Variants in POLDIP3 observed in about 807,000 individuals in gnomAD.
POLDIP3 encodes the protein polymerase delta-interacting protein 3.
In POLDIP3, 14 loss-of-function variants were observed where a neutral mutation model predicts 45.1. The observed-to-expected ratio is 0.31, with a 90% CI of 0.20 to 0.49. The LOEUF is 0.49. Among genes scored for constraint, POLDIP3 ranks in the 20% least tolerant of loss-of-function variants. POLDIP3 has a pLI of 0.99. For synonymous variants in POLDIP3, 223 were observed against 205.2 expected (o/e 1.09, Z -0.74); for missense variants, 511 against 538.8 (o/e 0.95, Z 0.51).
At chr22:42,614,696 G>A (rs928098218) in intron 1 of POLDIP3, 103 bp downstream of exon 1, 2 of 1,317,970 alleles carry the variant, frequency 1.5e-6, no homozygotes, top group East Asian at 2.5e-5. Context: ...GTCGGGGGCG[G>A]GCGCACCCGG....
At chr22:42,612,623 C>T (rs1166412280) in intron 1 of POLDIP3, among the ~76,000 whole-genome samples, 4 of 152,050 alleles carry the variant, frequency 2.6e-5, no homozygotes, top group Non-Finnish European at 4.4e-5. Flanking sequence ...GTGAGGAGTT[C>T]GAGACCAGCC....
rs1925259189 is a variant in POLDIP3 at position 42,585,661 on chromosome 22, C to G, written c.*130G>C. 9.1e-7 allele frequency: 1 copy of G among 1,095,380 alleles called. No homozygotes were observed. Among genetic ancestry groups the G allele is most frequent in the Non-Finnish European group, 1.3e-6 (1 of 753,062 alleles). The allele number at this position is 1,095,380 out of a possible 1,614,324, so 67.9% of individuals were successfully genotyped here. Reference sequence around the variant, plus strand: ...AGGCGGGTCCCATCCAGTGAGGAAGCTCTTTATCCCTGGCAACCCTTCCCA... The same window carrying G: ...AGGCGGGTCCCATCCAGTGAGGAAGGTCTTTATCCCTGGCAACCCTTCCCA... On this transcript the variant is annotated 3_prime_UTR_variant, in exon 9 of 9. Transcript: ENST00000252115.
intron 7 of POLDIP3, among the ~76,000 whole-genome samples, chr22:42,589,432 A>T (rs1601882887): frequency 1.3e-5 from 2 of 152,208 alleles, no homozygotes; most frequent in Admixed American, 1.3e-4. Context: ...CAGGAAGAAA[A>T]CAATCAAACA....
In POLDIP3 at chr22:42,595,811, C is replaced by A. The variant is rs778571570; in HGVS notation, c.814-197G>T. Among the ~76,000 whole-genome samples the A allele has an allele frequency of 3.9e-4, 59 of 152,204 alleles. 1 individual carries two copies. Among genetic ancestry groups the A allele is most frequent in the Admixed American group, 9.2e-4 (14 of 15,284 alleles). On this transcript the variant is annotated intron_variant, in intron 5 of 8. Transcript: ENST00000252115. Reference sequence around the variant, plus strand: ...TAAAAGCATGGACCCTCTCCCATCTCCCAAATACGCAAGCCTCTCAGGCCC... The same window carrying A: ...TAAAAGCATGGACCCTCTCCCATCTACCAAATACGCAAGCCTCTCAGGCCC...
chr22:42,588,198 G>A (rs1234898740), intron 7 of POLDIP3, among the ~76,000 whole-genome samples: 1 of 152,210 alleles, frequency 6.6e-6, no homozygotes, highest in Non-Finnish European at 1.5e-5. Flanking sequence ...GCTCACGCCT[G>A]TAATCCCAGC....
At chr22:42,596,125 G>A in intron 5 of POLDIP3, 61 bp downstream of exon 5, 1 of 1,542,248 alleles carries the variant, frequency 6.5e-7, no homozygotes, top group Non-Finnish European at 8.9e-7. Context: ...AACACAATGA[G>A]GTACATATAA....
intron 1 of POLDIP3, among the ~76,000 whole-genome samples, chr22:42,610,811 C>T (rs115069016): frequency 3.9e-5 from 6 of 152,170 alleles, no homozygotes; most frequent in Non-Finnish European, 8.8e-5. Context: ...TAGGCTGAGG[C>T]AGGAAGACTG....
chr22:42,607,454 G>A (rs1477131033), intron 1 of POLDIP3, among the ~76,000 whole-genome samples: 3 of 152,190 alleles, frequency 2.0e-5, no homozygotes, highest in Admixed American at 6.5e-5. Flanking sequence ...ATCTCGGCTC[G>A]CTACAACCTC....
chr22:42,593,710 G>C (rs1925811968), intron 6 of POLDIP3, among the ~76,000 whole-genome samples: 1 of 152,126 alleles, frequency 6.6e-6, no homozygotes, highest in South Asian at 2.1e-4. Context: ...GTAGAGACAG[G>C]GTTTTGCCAT....
At chr22:42,604,614 C>G (rs1284603148) in intron 1 of POLDIP3, among the ~76,000 whole-genome samples, 1 of 152,226 alleles carries the variant, frequency 6.6e-6, no homozygotes, top group Non-Finnish European at 1.5e-5. Flanking sequence ...GGGTCAGTCA[C>G]TGGCACTCTC....
intron 1 of POLDIP3, among the ~76,000 whole-genome samples, chr22:42,614,449 A>G (rs1007981111): frequency 9.9e-5 from 15 of 152,124 alleles, no homozygotes; most frequent in Non-Finnish European, 2.1e-4. Flanking sequence ...GAGATCACGG[A>G]GCGGGGCCCA....
chr22:42,585,011 G>C lies in POLDIP3; in HGVS notation c.*780C>G, dbSNP rs1426474519. On this transcript the variant is annotated 3_prime_UTR_variant, in exon 9 of 9. Transcript: ENST00000252115. ...AAGTGCCAGGCGAGGTGAGAACCGG[G>C]AGGGCTCACAACACAGCCCCCTCCC... is the stretch of plus-strand genomic sequence containing the variant. The C allele has an allele frequency of 2.2e-6, 1 of 456,386 alleles. No homozygotes were observed. The highest frequency in any genetic ancestry group is 4.4e-6 in the Non-Finnish European group (1 of 226,976). 28.3% of individuals were successfully genotyped at this position (456,386 alleles called of 1,614,324 possible).
chr22:42,614,061 C>A (rs185671087), intron 1 of POLDIP3, among the ~76,000 whole-genome samples: 1 of 152,276 alleles, frequency 6.6e-6, no homozygotes, highest in East Asian at 1.9e-4. Context: ...CAATCTCCTG[C>A]CCAACACACC....
intron 1 of POLDIP3, among the ~76,000 whole-genome samples, chr22:42,611,021 G>A (rs1927086306): frequency 1.3e-5 from 2 of 152,214 alleles, no homozygotes; most frequent in Non-Finnish European, 2.9e-5. Flanking sequence ...CTGGAGATGT[G>A]CTGTGGTGAG....
chr22:42,585,786 C>T lies in POLDIP3; in HGVS notation c.*5G>A, dbSNP rs1282836777. 1 of 1,610,396 alleles carries T rather than the reference C, an allele frequency of 6.2e-7. No homozygotes were observed. The highest frequency in any genetic ancestry group is 2.2e-5 in the East Asian group (1 of 44,820). On this transcript the variant is annotated 3_prime_UTR_variant, in exon 9 of 9. Transcript: ENST00000252115. ...CCCCCACTTCTGGCTGCCTCACTCC[C>T]CTGCTCAAAGCTTGATTTTGAATTC... is the stretch of plus-strand genomic sequence containing the variant.
intron 4 of POLDIP3, chr22:42,597,690 C>G (rs991278385): frequency 3.2e-5 from 15 of 469,740 alleles, no homozygotes; most frequent in Non-Finnish European, 5.7e-5. Flanking sequence ...GCTGATAGTT[C>G]CCTTGATAGC....
chr22:42,589,161 T>C (rs1925507384), intron 7 of POLDIP3, among the ~76,000 whole-genome samples: 1 of 151,348 alleles, frequency 6.6e-6, no homozygotes. Context: ...AAAAATCGCT[T>C]GAACCTGGGA....
At chr22:42,613,397 G>A (rs955507022) in intron 1 of POLDIP3, among the ~76,000 whole-genome samples, 2 of 152,214 alleles carry the variant, frequency 1.3e-5, no homozygotes, top group Non-Finnish European at 2.9e-5. Context: ...GGATGGGGAA[G>A]GAGGTGAGGG....
At position 42,595,564 on chromosome 22, in the gene POLDIP3, G is replaced by A; in HGVS notation, c.864C>T (p.His288=). 2 of 1,614,062 alleles carry A rather than the reference G, an allele frequency of 1.2e-6. No homozygotes were observed. Among genetic ancestry groups the A allele is most frequent in the East Asian group, 2.2e-5 (1 of 44,880 alleles). ...CAATGTCCTCCTCAGTGACTCGAGG[G>A]TGCAGATTATTCACAGTCATCTTGG... ...EGTKMTVNNL[H]PRVTEEDIVE... The change falls in exon 6 of 9, where the codon CAC becomes CAT. Residue 288 remains histidine (H), a synonymous_variant. Coordinates refer to ENST00000252115, the MANE Select transcript of POLDIP3 (RefSeq NM_032311.5).
Sources: gnomAD v4.1 joint callset for allele counts (sites outside exome capture counted in the v4.1 genomes callset) on GRCh38, gnomAD v4.1.1 for gene constraint, MANE v1.5 for transcripts, NCBI Gene and HGNC (gene_info 2026-07-23, HGNC 2026-07-21) for gene names.